RAB11FIP1: variants seen among roughly 807,000 people sequenced by gnomAD.
The protein encoded by RAB11FIP1 is rab11 family-interacting protein 1.
A neutral mutation model predicts 83.1 loss-of-function variants in RAB11FIP1; 49 were observed. The ratio of observed to expected loss-of-function variants is 0.59; its 90% CI spans 0.47 to 0.75. The LOEUF (loss-of-function observed/expected upper bound fraction) is 0.75. Among genes scored for constraint, RAB11FIP1 ranks in the 30% least tolerant of loss-of-function variants. The pLI, the probability that RAB11FIP1 is intolerant of heterozygous loss-of-function variation, is 0.00. For synonymous variants in RAB11FIP1, 670 were observed against 656.0 expected (o/e 1.02, Z -0.33); for missense variants, 1,536 against 1,598.7 (o/e 0.96, Z 0.67).
At chr8:37,869,412 C>T (rs1806403446) in intron 5 of RAB11FIP1, among the ~76,000 whole-genome samples, 1 of 149,702 alleles carries the variant, frequency 6.7e-6, no homozygotes. Flanking sequence ...GCCAACATAG[C>T]AAAATCCTGT....
chr8:37,886,831 G>C (rs954791495), intron 1 of RAB11FIP1, among the ~76,000 whole-genome samples: 1 of 152,216 alleles, frequency 6.6e-6, no homozygotes, highest in African/African-American at 2.4e-5. Flanking sequence ...GTTAGCAGTT[G>C]AGAACATCTT....
chr8:37,891,918 C>G (rs990276938), intron 1 of RAB11FIP1, among the ~76,000 whole-genome samples: 14 of 152,184 alleles, frequency 9.2e-5, no homozygotes, highest in Non-Finnish European at 1.8e-4. Context: ...TAATCACTTG[C>G]AGACACATAC....
rs1806181124 is a variant in RAB11FIP1, at chr8:37,859,023, A to G, written c.*3872T>C. The stretch of plus-strand genomic sequence containing the variant: ...ACTTCTTAAAAACGAAACCAAAGAA[A>G]TTCAAAAGTCCCAAAGAAAGAAAGC... On this transcript the variant is annotated 3_prime_UTR_variant, in exon 6 of 6. Transcript: ENST00000330843. 1 of 152,228 alleles carries G rather than the reference A, an allele frequency of 6.6e-6. No individual in the cohort carries two copies. The highest frequency in any genetic ancestry group is 1.5e-5 in the Non-Finnish European group (1 of 68,044). The allele number at this position is 152,228 out of a possible 1,614,324, so 9.4% of individuals were successfully genotyped here.
In RAB11FIP1 at chr8:37,861,201, A is replaced by T. The variant is rs532717441; in HGVS notation, c.*1694T>A. The T allele has an allele frequency of 6.5e-6, 1 of 153,008 alleles. No individual in the cohort carries two copies. Among genetic ancestry groups the T allele is most frequent in the East Asian group, 1.9e-4 (1 of 5,198 alleles). The allele number at this position is 153,008 out of a possible 1,614,324, so 9.5% of individuals were successfully genotyped here. A position where few individuals can be genotyped will look rare whatever the true frequency, so the allele number is the denominator to read the frequency against. The stretch of plus-strand genomic sequence containing the variant: ...CAAGTGCCCTAGTTAAAAAAAAAAA[A>T]AGTCTATAAATCTAGTTTTAAAAAT... On this transcript the variant is annotated 3_prime_UTR_variant, in exon 6 of 6. Coordinates refer to ENST00000330843, the MANE Select transcript of RAB11FIP1 (RefSeq NM_001002814.3).
rs544839997 is a variant in RAB11FIP1 at position 37,867,953 on chromosome 8, G to GA, written c.3633+2466dup. On this transcript the variant is annotated intron_variant, in intron 5 of 5. Coordinates refer to ENST00000330843, the MANE Select transcript of RAB11FIP1 (RefSeq NM_001002814.3). ...AGGGAATAACAAGTACCCAGCACTT[G>GA]AAAAACACTTTCAGTCAAGCATGGT... is the stretch of plus-strand genomic sequence containing the variant. 2.7e-3 allele frequency among the ~76,000 whole-genome samples: 404 copies of GA among 152,152 alleles called. 3 individuals carry two copies. The highest frequency in any genetic ancestry group is 9.1e-3 in the African/African-American group (377 of 41,512).
In RAB11FIP1 at chr8:37,875,058, T is replaced by C. The variant is rs778475881; in HGVS notation, c.1079A>G (p.Asn360Ser). 8.7e-6 allele frequency: 14 copies of C among 1,614,022 alleles called. No individual in the cohort carries two copies. The highest frequency in any genetic ancestry group is 1.1e-5 in the Non-Finnish European group (13 of 1,180,006). The change falls in exon 3 of 6, where the codon AAC becomes AGC. Residue 360 changes from asparagine (N) to serine (S), a missense_variant. Physicochemically the swap from Asn to Ser is conservative, Grantham distance 46. Coordinates refer to ENST00000330843, the MANE Select transcript of RAB11FIP1 (RefSeq NM_001002814.3). ...CTCCTTCCAAGACCCAGCCGCCAGGTTCTCTGTAGAAGAGAACAAATGCTT... is the reference window on the plus strand; with the variant it reads ...CTCCTTCCAAGACCCAGCCGCCAGGCTCTCTGTAGAAGAGAACAAATGCTT... ...RKKHLFSSTE[N>S]LAAGSWKEPA...
Position 37,899,301 on chromosome 8 carries a change from C to T in RAB11FIP1, c.141G>A (p.Val47=), listed in dbSNP as rs149313828. Residue 47 remains valine, a synonymous_variant, in exon 1 of 6, where the codon GTG becomes GTA. Transcript: ENST00000330843. The surrounding 1 kb of genome is among the most constrained non-coding windows in gnomAD (Gnocchi z 4.5). The part of the protein sequence containing the change: ...GTSDAYAVIQ[V]GKEKYATSVS... ...CGGAGGTGGCGTACTTCTCCTTGCC[C>T]ACCTGGATCACCGCGTACGCGTCGC... The T allele has an allele frequency of 9.3e-6, 15 of 1,609,716 alleles. No individual in the cohort carries two copies. In the African/African-American group the frequency reaches 1.3e-4, roughly 14 times the overall value.
intron 2 of RAB11FIP1, among the ~76,000 whole-genome samples, chr8:37,876,264 A>AG (rs1449065965): frequency 6.0e-5 from 9 of 150,738 alleles, no homozygotes; most frequent in East Asian, 5.9e-4. Context: ...GAAGGAAGGA[A>AG]GAAAGAAGGA....
chr8:37,889,006 C>T (rs1806893582), intron 1 of RAB11FIP1, among the ~76,000 whole-genome samples: 2 of 151,774 alleles, frequency 1.3e-5, no homozygotes, highest in African/African-American at 4.8e-5. Flanking sequence ...ACCATGTTAG[C>T]CAAGATGGTC....
Position 37,872,989 on chromosome 8 carries a change from G to A in RAB11FIP1, c.1813C>T (p.Pro605Ser). 1 of 1,614,156 alleles carries A rather than the reference G, an allele frequency of 6.2e-7. No homozygotes were observed. The highest frequency in any genetic ancestry group is 1.3e-5 in the African/African-American group (1 of 75,046). ...TCAATTGGAGTGGATGTGGAAATGGGAGCTGCTATGGGAGATGAGAGAGAG... is the reference window on the plus strand; with the variant it reads ...TCAATTGGAGTGGATGTGGAAATGGAAGCTGCTATGGGAGATGAGAGAGAG... Reference protein sequence around the residue: ...FSSLSSPIAAPISTSTPIESW... With the variant: ...FSSLSSPIAASISTSTPIESW... The change falls in exon 4 of 6, where the codon CCC (proline) becomes TCC (serine). Residue 605 changes from proline (P) to serine (S), a missense_variant. Coordinates refer to ENST00000330843, the MANE Select transcript of RAB11FIP1 (RefSeq NM_001002814.3).
chr8:37,877,471 T>C lies in RAB11FIP1; in HGVS notation c.452A>G (p.Asn151Ser), dbSNP rs561038925. ...GTCAAACATGCTGGCAGTCATGTTG[T>C]TTCTCATAAACTGGATGTCAACCTC... ...EIEVDIQFMR[N>S]NMTASMFDLS... Residue 151 changes from asparagine to serine, a missense_variant, in exon 2 of 6, where the codon AAC becomes AGC. Transcript: ENST00000330843. 1 of 1,613,636 alleles carries C rather than the reference T, an allele frequency of 6.2e-7. No individual in the cohort carries two copies. The highest frequency in any genetic ancestry group is 1.7e-5 in the Admixed American group (1 of 60,008).
At position 37,872,210 on chromosome 8, in the gene RAB11FIP1, C is replaced by T. The variant is rs1350377910; in HGVS notation, c.2592G>A (p.Arg864=). 4.3e-6 allele frequency: 7 copies of T among 1,614,104 alleles called. No homozygotes were observed. Among genetic ancestry groups the T allele is most frequent in the Non-Finnish European group, 5.9e-6 (7 of 1,179,996 alleles). ...PESPHAEDSE[R]ESVTTPGPAT... ...CTGGCCCAGGTGTGGTCACCGATTCCCTTTCTGAGTCCTCTGCGTGGGGAG... is the reference window on the plus strand; with the variant it reads ...CTGGCCCAGGTGTGGTCACCGATTCTCTTTCTGAGTCCTCTGCGTGGGGAG... Residue 864 remains arginine, a synonymous_variant, in exon 4 of 6, where the codon AGG becomes AGA. Transcript: ENST00000330843.
intron 4 of RAB11FIP1, 178 bp from the exon 5 acceptor site, chr8:37,870,706 G>A: frequency 1.9e-6 from 1 of 529,930 alleles, no homozygotes; most frequent in Admixed American, 3.4e-5. Flanking sequence ...AAGCAGTCAG[G>A]ACAGGGCTGC....
chr8:37,894,948 AG>A lies in RAB11FIP1; in HGVS notation c.371+4122del, dbSNP rs1490902741. Among the ~76,000 whole-genome samples the A allele has an allele frequency of 2.0e-5, 3 of 149,294 alleles. No individual in the cohort carries two copies. In the South Asian group the frequency reaches 6.3e-4, roughly 31 times the overall value. ...AATTTTTTGTGTTTTTAGTAGAGAC[AG>A]GGTTCACCATGTTGACCAGACTGGT... On this transcript the variant is annotated intron_variant, in intron 1 of 5. Coordinates refer to ENST00000330843, the MANE Select transcript of RAB11FIP1 (RefSeq NM_001002814.3).
chr8:37,874,991 G>A lies in RAB11FIP1; in HGVS notation c.1146C>T (p.Ser382=), dbSNP rs369997427. ...TCAAGGAGTCCTTGGTGGAAGATTC[G>A]GAGAGCTGCCTGTCAGAAGACAGCC... The part of the protein sequence containing the change: ...GGGLSSDRQL[S]ESSTKDSLKS... The change falls in exon 3 of 6, where the codon TCC becomes TCT. Residue 382 remains serine (S), a synonymous_variant. Transcript: ENST00000330843. The A allele has an allele frequency of 2.5e-5, 41 of 1,613,966 alleles. No individual in the cohort carries two copies. Among genetic ancestry groups the A allele is most frequent in the East Asian group, 1.3e-4 (6 of 44,880 alleles).
At chr8:37,884,614 T>C (rs1228340674) in intron 1 of RAB11FIP1, among the ~76,000 whole-genome samples, 1 of 152,040 alleles carries the variant, frequency 6.6e-6, no homozygotes, top group Non-Finnish European at 1.5e-5. Context: ...AGTGGCATGA[T>C]CTCGGCTTAC....
intron 5 of RAB11FIP1, among the ~76,000 whole-genome samples, chr8:37,866,260 G>A (rs1366376855): frequency 1.3e-5 from 2 of 151,980 alleles, no homozygotes; most frequent in African/African-American, 4.8e-5. Flanking sequence ...GCTTGAACTC[G>A]GGAGGCGGAG....
At chr8:37,880,434 G>A (rs1017743192) in intron 1 of RAB11FIP1, among the ~76,000 whole-genome samples, 1 of 152,018 alleles carries the variant, frequency 6.6e-6, no homozygotes, top group African/African-American at 2.4e-5. Context: ...GAGTAGCTGG[G>A]ACTACAGGTA....
chr8:37,899,147 C>A lies in RAB11FIP1; in HGVS notation c.295G>T (p.Gly99Cys). The change falls in exon 1 of 6, where the codon GGC becomes TGC. Residue 99 changes from glycine to cysteine, a missense_variant. Coordinates refer to ENST00000330843, the MANE Select transcript of RAB11FIP1 (RefSeq NM_001002814.3). The surrounding 1 kb of genome is among the most constrained non-coding windows in gnomAD (Gnocchi z 4.5). ...GCGCGGCCCAGGAACTTGTCGAGGCCGAGCAGCGCGCGGTGCAGCACGGTG... is the reference window on the plus strand; with the variant it reads ...GCGCGGCCCAGGAACTTGTCGAGGCAGAGCAGCGCGCGGTGCAGCACGGTG... ...QLTVLHRALL[G>C]LDKFLGRAEV... is the part of the protein sequence containing the mutation. 1 of 1,545,528 alleles carries A rather than the reference C, an allele frequency of 6.5e-7. No individual in the cohort carries two copies. Among genetic ancestry groups the A allele is most frequent in the Non-Finnish European group, 8.7e-7 (1 of 1,155,458 alleles).
Sources: allele counts gnomAD v4.1 joint callset (sites outside exome capture counted in the v4.1 genomes callset), GRCh38; gene constraint gnomAD v4.1.1; non-coding constraint Gnocchi (gnomAD v3.1); transcripts MANE v1.5; gene names NCBI Gene and HGNC (gene_info 2026-07-23, HGNC 2026-07-21).